EDIL3: variants seen among roughly 807,000 people sequenced by gnomAD.
EDIL3 encodes EGF like and discoidin domains 3.
Under a neutral mutation model 67.4 loss-of-function variants are expected in EDIL3, and 37 were observed. The observed-to-expected ratio is 0.55, with a 90% CI of 0.42 to 0.72. The LOEUF is 0.72. EDIL3 is among the 30% of genes least tolerant of loss of function. EDIL3 has a pLI of 0.00. For missense variants in EDIL3, 527 were observed against 586.3 expected (o/e 0.90, Z 1.04); for synonymous variants, 195 against 196.3 (o/e 0.99, Z 0.05).
intron 3 of EDIL3, among the ~76,000 whole-genome samples, chr5:84,223,557 T>C (rs1345189867): frequency 2.6e-5 from 4 of 151,638 alleles, no homozygotes; most frequent in Admixed American, 2.0e-4. Flanking sequence ...CACTTACATA[T>C]GAAATCTAAA....
chr5:84,159,085 T>C (rs967345209), intron 4 of EDIL3, among the ~76,000 whole-genome samples: 1 of 152,068 alleles, frequency 6.6e-6, no homozygotes, highest in African/African-American at 2.4e-5. Context: ...TGCCAGTACA[T>C]ACACAACCAA....
chr5:84,074,251 G>C (rs1746806427), intron 6 of EDIL3, among the ~76,000 whole-genome samples: 1 of 147,536 alleles, frequency 6.8e-6, no homozygotes, highest in South Asian at 2.2e-4. Flanking sequence ...CACCCGAGAA[G>C]AAAACCTAGG....
chr5:84,342,444 T>C (rs1351559288), intron 1 of EDIL3, among the ~76,000 whole-genome samples: 1 of 152,010 alleles, frequency 6.6e-6, no homozygotes, highest in Non-Finnish European at 1.5e-5. Context: ...GAGTGAATGA[T>C]GGGAAATTCC....
intron 1 of EDIL3, among the ~76,000 whole-genome samples, chr5:84,289,068 A>C (rs1745865537): frequency 6.6e-6 from 1 of 152,172 alleles, no homozygotes; most frequent in Non-Finnish European, 1.5e-5. Context: ...CATTTAAAAA[A>C]TGTTTTTGTT....
At chr5:84,340,526 CTCTCTCTCTATATATATATA>C (rs1175814220) in intron 1 of EDIL3, among the ~76,000 whole-genome samples, 2 of 72,396 alleles carry the variant, frequency 2.8e-5, no homozygotes, top group African/African-American at 8.6e-5. Context: ...CTCTCTCTCT[CTCTCTCTCTATATATATATA>C]TATATATATA....
intron 1 of EDIL3, among the ~76,000 whole-genome samples, chr5:84,383,006 C>T (rs986065647): frequency 1.3e-5 from 2 of 152,174 alleles, no homozygotes; most frequent in African/African-American, 4.8e-5. Context: ...TTTCTTGTGA[C>T]TCAAATAGAT....
At chr5:83,947,559 C>T (rs1435287691) in intron 10 of EDIL3, among the ~76,000 whole-genome samples, 1 of 151,712 alleles carries the variant, frequency 6.6e-6, no homozygotes, top group Non-Finnish European at 1.5e-5. Flanking sequence ...TAATTCTACC[C>T]ATATAATGAA....
At chr5:84,125,513 A>G (rs1480131436) in intron 5 of EDIL3, among the ~76,000 whole-genome samples, 1 of 151,986 alleles carries the variant, frequency 6.6e-6, no homozygotes, top group Non-Finnish European at 1.5e-5. Context: ...TCCTTAAATA[A>G]CTCTAGGTGT....
At chr5:84,221,387 G>C (rs1336918246) in intron 3 of EDIL3, among the ~76,000 whole-genome samples, 3 of 151,982 alleles carry the variant, frequency 2.0e-5, no homozygotes, top group Non-Finnish European at 4.4e-5. Context: ...TAAAGAGAAA[G>C]ATGAGTATAC....
At chr5:84,042,155 T>C (rs1746136641) in intron 9 of EDIL3, among the ~76,000 whole-genome samples, 1 of 152,162 alleles carries the variant, frequency 6.6e-6, no homozygotes, top group South Asian at 2.1e-4. Context: ...CAAGGTATCA[T>C]AAAAATAGAA....
At chr5:84,382,068 T>C (rs1748087247) in intron 1 of EDIL3, among the ~76,000 whole-genome samples, 1 of 152,254 alleles carries the variant, frequency 6.6e-6, no homozygotes, top group Non-Finnish European at 1.5e-5. Flanking sequence ...AGCTGTACTC[T>C]GCCTTCTGCA....
At chr5:84,305,883 G>GTAAATAAATAAATAAA (rs769566499) in intron 1 of EDIL3, among the ~76,000 whole-genome samples, 4 of 138,666 alleles carry the variant, frequency 2.9e-5, no homozygotes, top group African/African-American at 7.8e-5. Flanking sequence ...GGTCTTAAAA[G>GTAAATAAATAAATAAA]TAAATAAATA....
chr5:84,316,011 A>G (rs567833117), intron 1 of EDIL3, among the ~76,000 whole-genome samples: 22 of 152,234 alleles, frequency 1.4e-4, no homozygotes, highest in Non-Finnish European at 2.9e-4. Flanking sequence ...AGCCAAACTA[A>G]GCTTCATAAG....
chr5:83,962,425 C>G (rs1744620444), intron 10 of EDIL3, among the ~76,000 whole-genome samples: 1 of 151,322 alleles, frequency 6.6e-6, no homozygotes. Context: ...CATCTGATCC[C>G]AATTAGTCAT....
intron 3 of EDIL3, among the ~76,000 whole-genome samples, chr5:84,212,259 T>G (rs1205990567): frequency 6.6e-6 from 1 of 151,968 alleles, no homozygotes; most frequent in Non-Finnish European, 1.5e-5. Flanking sequence ...CCATAACAAG[T>G]GTCCTTCTAA....
At chr5:84,252,173 C>A (rs1745035657) in intron 2 of EDIL3, among the ~76,000 whole-genome samples, 1 of 151,986 alleles carries the variant, frequency 6.6e-6, no homozygotes, top group South Asian at 2.1e-4. Flanking sequence ...AAAAGTATAG[C>A]CCAAAAGTAT....
chr5:84,248,753 C>CT lies in EDIL3; in HGVS notation c.196+5330dup, dbSNP rs150659665. ...GAAACTGGGGATGCCTTTCTTTACT[C>CT]TTAGTTTCTCCCAAACTCTTTTTCT... is the stretch of plus-strand genomic sequence containing the variant. On this transcript the variant is annotated intron_variant, in intron 2 of 10. Coordinates refer to ENST00000296591, the MANE Select transcript of EDIL3 (RefSeq NM_005711.5). Among the ~76,000 whole-genome samples the CT allele has an allele frequency of 7.6e-3, 1,152 of 152,228 alleles. 13 individuals carry two copies. The highest frequency in any genetic ancestry group is 0.026 in the African/African-American group (1,076 of 41,536).
At chr5:84,347,221 A>G (rs1330639191) in intron 1 of EDIL3, among the ~76,000 whole-genome samples, 1 of 152,196 alleles carries the variant, frequency 6.6e-6, no homozygotes, top group African/African-American at 2.4e-5. Flanking sequence ...TAAGACTGTA[A>G]AGCTATTCAC....
At chr5:84,284,245 A>G (rs1350114918) in intron 1 of EDIL3, among the ~76,000 whole-genome samples, 3 of 152,164 alleles carry the variant, frequency 2.0e-5, no homozygotes, top group East Asian at 1.9e-4. Context: ...TTCTGTATGT[A>G]TATGTTTATT....
Sources: gnomAD v4.1 joint callset for allele counts (sites outside exome capture counted in the v4.1 genomes callset) on GRCh38, gnomAD v4.1.1 for gene constraint, MANE v1.5 for transcripts, NCBI Gene and HGNC (gene_info 2026-07-23, HGNC 2026-07-21) for gene names.